EPHB2: variants seen among roughly 807,000 people sequenced by gnomAD.
EPHB2 encodes EPH receptor B2.
A neutral mutation model predicts 96.4 loss-of-function variants in EPHB2; 18 were observed. The observed-to-expected ratio is 0.19, with a 90% CI of 0.13 to 0.28. EPHB2 has a LOEUF of 0.28. Among genes scored for constraint, EPHB2 ranks in the 10% least tolerant of loss-of-function variants. The probability of loss-of-function intolerance (pLI) is 1.00; values close to 1 mark genes in which losing one functional copy is unlikely to be tolerated. For missense variants in EPHB2, 989 were observed against 1,355.4 expected, an observed-to-expected ratio of 0.73 and a Z score of 4.25; for synonymous variants, 506 against 534.1, an observed-to-expected ratio of 0.95 and a Z score of 0.72.
rs540937266 is a variant in EPHB2 at position 22,858,848 on chromosome 1, G to T, written c.812-4189G>T. 6.7e-4 allele frequency among the ~76,000 whole-genome samples: 102 copies of T among 152,282 alleles called. No homozygotes were observed. Among genetic ancestry groups the T allele is most frequent in the African/African-American group, 2.4e-3 (99 of 41,564 alleles). On this transcript the variant is annotated intron_variant, in intron 3 of 15. Transcript: ENST00000374630. The surrounding 1 kb of genome is among the most constrained non-coding windows in gnomAD (Gnocchi z 7.7). ...GTTTCCTCAAATGTCAACTAAGGGG[G>T]TGGGGCTCGATCCCCTTCCAGCCCC...
At chr1:22,802,115 G>A (rs529942961) in intron 3 of EPHB2, among the ~76,000 whole-genome samples, 3 of 152,288 alleles carry the variant, frequency 2.0e-5, no homozygotes, top group Admixed American at 1.3e-4. Context: ...AGAGAGTGGA[G>A]GAGGGGGCCC....
rs564554718 is a variant in EPHB2, at chr1:22,803,852, T to A, written c.811+18776T>A. 8.6e-5 allele frequency among the ~76,000 whole-genome samples: 13 copies of A among 151,500 alleles called. 1 individual carries two copies. In the South Asian group the frequency reaches 2.5e-3, roughly 29 times the overall value. ...TCACTTGAGCCTAGGGGTTCTAGGCTGCAGTGAGCTGTGATTGCACCAGTG... is the reference window on the plus strand; with the variant it reads ...TCACTTGAGCCTAGGGGTTCTAGGCAGCAGTGAGCTGTGATTGCACCAGTG... On this transcript the variant is annotated intron_variant, in intron 3 of 15. Coordinates refer to ENST00000374630, the MANE Select transcript of EPHB2 (RefSeq NM_017449.5).
chr1:22,889,178 G>A (rs1639316560), intron 6 of EPHB2, among the ~76,000 whole-genome samples: 1 of 152,064 alleles, frequency 6.6e-6, no homozygotes, highest in African/African-American at 2.4e-5. Flanking sequence ...GACAGAGAGA[G>A]ACAAAAATGA....
chr1:22,909,218 G>A (rs1480110087), intron 13 of EPHB2, 47 bp downstream of exon 13: 2 of 1,613,742 alleles, frequency 1.2e-6, no homozygotes, highest in Admixed American at 1.7e-5. Flanking sequence ...CCACCAGATG[G>A]GAGAGGGAAG....
At chr1:22,905,045 G>C (rs575983909) in intron 9 of EPHB2, among the ~76,000 whole-genome samples, 1 of 152,302 alleles carries the variant, frequency 6.6e-6, no homozygotes, top group Admixed American at 6.5e-5. Flanking sequence ...GGAGGACTGG[G>C]AGGTCTGGAT....
intron 3 of EPHB2, among the ~76,000 whole-genome samples, chr1:22,796,053 G>A (rs1461134765): frequency 1.3e-5 from 2 of 152,204 alleles, no homozygotes; most frequent in African/African-American, 4.8e-5. Context: ...GGAAGTGGGT[G>A]CAACAAGTAT....
intron 6 of EPHB2, among the ~76,000 whole-genome samples, chr1:22,891,979 TA>T: frequency 6.6e-6 from 1 of 151,230 alleles, no homozygotes; most frequent in South Asian, 2.1e-4. Flanking sequence ...TTTTTTTTTT[TA>T]GAGAAAGGGT....
At position 22,859,297 on chromosome 1, in the gene EPHB2, T is replaced by C. The variant is rs57757058; in HGVS notation, c.812-3740T>C. 4.4e-3 allele frequency among the ~76,000 whole-genome samples: 215 copies of C among 48,556 alleles called. 2 individuals are homozygous for C. Among genetic ancestry groups the C allele is most frequent in the African/African-American group, 0.017 (194 of 11,306 alleles). The allele number at this position is 48,556 out of a possible 152,430, so 31.9% of individuals were successfully genotyped here. On this transcript the variant is annotated intron_variant, in intron 3 of 15. Transcript: ENST00000374630. ...AGCCAGGGGTGTGGGGTGGGCCTGG[T>C]GGGGGGGGGGGTATTGTACCTAGGT...
intron 1 of EPHB2, among the ~76,000 whole-genome samples, chr1:22,765,193 A>G (rs755901010): frequency 2.6e-5 from 4 of 152,162 alleles, no homozygotes; most frequent in Admixed American, 6.5e-5. Flanking sequence ...TGTCTGTAGC[A>G]TAGGACCCCC....
chr1:22,727,909 C>G (rs1643620619), intron 1 of EPHB2, among the ~76,000 whole-genome samples: 3 of 151,458 alleles, frequency 2.0e-5, no homozygotes, highest in Admixed American at 2.0e-4. Context: ...TCCCAAAATG[C>G]TGGGATTACA....
chr1:22,748,727 T>C (rs1017637766), intron 1 of EPHB2, among the ~76,000 whole-genome samples: 1 of 149,512 alleles, frequency 6.7e-6, no homozygotes, highest in Non-Finnish European at 1.5e-5. Flanking sequence ...CTGAGATATA[T>C]GTACATACAT....
intron 1 of EPHB2, among the ~76,000 whole-genome samples, chr1:22,773,152 C>A (rs865950904): frequency 6.6e-6 from 1 of 152,200 alleles, no homozygotes; most frequent in African/African-American, 2.4e-5. Flanking sequence ...CTCAAAACAA[C>A]GCAGTGAAGT....
At chr1:22,765,697 C>T (rs558761982) in intron 1 of EPHB2, among the ~76,000 whole-genome samples, 76 of 152,262 alleles carry the variant, frequency 5.0e-4, no homozygotes, top group Non-Finnish European at 9.0e-4. Context: ...GCTACCTCAC[C>T]ATGGGATCTT....
chr1:22,898,392 T>C lies in EPHB2; in HGVS notation c.1765+1914T>C, dbSNP rs999435874. Among the ~76,000 whole-genome samples the C allele has an allele frequency of 2.0e-4, 30 of 152,208 alleles. No individual in the cohort carries two copies. In the East Asian group the frequency reaches 3.9e-3, roughly 20 times the overall value. Reference sequence around the variant, plus strand: ...TCAGAGGTATCTGAGGGAAAAGCATTCCAGGAAGAGGGAACAGCCAATACA... The same window carrying C: ...TCAGAGGTATCTGAGGGAAAAGCATCCCAGGAAGAGGGAACAGCCAATACA... On this transcript the variant is annotated intron_variant, in intron 9 of 15. Coordinates refer to ENST00000374630, the MANE Select transcript of EPHB2 (RefSeq NM_017449.5).
At chr1:22,815,527 T>G (rs12080301) in intron 3 of EPHB2, among the ~76,000 whole-genome samples, 48 of 152,268 alleles carry the variant, frequency 3.2e-4, no homozygotes, top group African/African-American at 1.1e-3. Flanking sequence ...GATCAGGCCG[T>G]GTTGGGTGCA....
intron 3 of EPHB2, among the ~76,000 whole-genome samples, chr1:22,829,082 T>A (rs1645264804): frequency 6.6e-6 from 1 of 152,266 alleles, no homozygotes; most frequent in African/African-American, 2.4e-5. Flanking sequence ...TTAGAGATTG[T>A]GAGTGCTGCA....
intron 1 of EPHB2, among the ~76,000 whole-genome samples, chr1:22,714,224 A>ACC (rs1383367694): frequency 6.6e-6 from 1 of 151,748 alleles, no homozygotes; most frequent in South Asian, 2.1e-4. Context: ...GAGGCTGTGA[A>ACC]CCCCCCGGGG....
intron 1 of EPHB2, among the ~76,000 whole-genome samples, chr1:22,730,731 G>T (rs1407776551): frequency 3.0e-4 from 45 of 152,106 alleles, no homozygotes; most frequent in Non-Finnish European, 2.9e-5. Context: ...GGAGCGGGAG[G>T]GCCAGGGGAG....
intron 3 of EPHB2, among the ~76,000 whole-genome samples, chr1:22,819,830 T>A (rs76956052): frequency 7.3e-6 from 1 of 137,408 alleles, no homozygotes; most frequent in Non-Finnish European, 1.6e-5. Flanking sequence ...TTTTTTTTTT[T>A]AATGGAGCTT....
Sources: gnomAD v4.1 joint callset for allele counts (sites outside exome capture counted in the v4.1 genomes callset) on GRCh38, gnomAD v4.1.1 for gene constraint, Gnocchi (gnomAD v3.1) non-coding constraint, MANE v1.5 for transcripts, NCBI Gene and HGNC (gene_info 2026-07-23, HGNC 2026-07-21) for gene names.